ANKS1A: variants seen among roughly 807,000 people sequenced by gnomAD.
The protein encoded by ANKS1A is ankyrin repeat and sterile alpha motif domain containing 1A, also known as ankyrin repeat and SAM domain-containing protein 1A.
A neutral mutation model predicts 120.3 loss-of-function variants in ANKS1A; 55 were observed. The observed-to-expected ratio is 0.46, with a 90% CI of 0.37 to 0.57. ANKS1A has a LOEUF of 0.57. ANKS1A is among the 20% of genes least tolerant of loss of function. ANKS1A has a pLI of 0.00. For missense variants in ANKS1A, 1,123 were observed against 1,480.3 expected (o/e 0.76, Z 3.96); for synonymous variants, 590 against 604.7 (o/e 0.98, Z 0.36).
At chr6:34,945,566 C>T (rs1769748899) in intron 1 of ANKS1A, among the ~76,000 whole-genome samples, 1 of 152,134 alleles carries the variant, frequency 6.6e-6, no homozygotes, top group Non-Finnish European at 1.5e-5. Context: ...TCTGGGCTCT[C>T]TATTCTGTTC....
At chr6:35,088,509 TC>T in intron 23 of ANKS1A, 96 bp from the exon 24 acceptor site, 1 of 1,513,244 alleles carries the variant, frequency 6.6e-7, no homozygotes, top group Non-Finnish European at 9.2e-7. Context: ...CTGTGAGGGA[TC>T]GTCTGTCCTG....
intron 1 of ANKS1A, among the ~76,000 whole-genome samples, chr6:34,896,491 A>C (rs35499928): frequency 0.073 from 11,085 of 152,222 alleles, 611 homozygotes; most frequent in East Asian, 0.23. Flanking sequence ...TGTGGTTCCC[A>C]TGTTAAAAAA....
At chr6:34,981,337 A>G (rs1243898025) in intron 3 of ANKS1A, among the ~76,000 whole-genome samples, 1 of 152,238 alleles carries the variant, frequency 6.6e-6, no homozygotes, top group African/African-American at 2.4e-5. Context: ...AAACTGAAAT[A>G]ATAGCAGTGA....
intron 3 of ANKS1A, among the ~76,000 whole-genome samples, chr6:34,979,544 T>C (rs1413172923): frequency 6.6e-6 from 1 of 152,190 alleles, no homozygotes; most frequent in Non-Finnish European, 1.5e-5. Flanking sequence ...TTGTGAGAGC[T>C]GCTTTCATTC....
chr6:34,966,227 CA>C (rs1450858436), intron 1 of ANKS1A, among the ~76,000 whole-genome samples: 3 of 152,064 alleles, frequency 2.0e-5, no homozygotes, highest in Non-Finnish European at 4.4e-5. Context: ...TAGAATTTAC[CA>C]ATAAGGTCAT....
intron 14 of ANKS1A, 56 bp downstream of exon 14, chr6:35,078,712 A>T: frequency 6.6e-7 from 1 of 1,511,748 alleles, no homozygotes; most frequent in Non-Finnish European, 9.1e-7. Flanking sequence ...CCACCTCCCT[A>T]GCACCACCTG....
chr6:35,066,580 T>C (rs1776788007), intron 13 of ANKS1A, among the ~76,000 whole-genome samples: 1 of 152,016 alleles, frequency 6.6e-6, no homozygotes, highest in Admixed American at 6.5e-5. Context: ...TTCATGAAAC[T>C]GGGAAGAGTT....
intron 1 of ANKS1A, among the ~76,000 whole-genome samples, chr6:34,937,033 C>T (rs1261003340): frequency 6.6e-6 from 1 of 152,124 alleles, no homozygotes; most frequent in Non-Finnish European, 1.5e-5. Flanking sequence ...ATATACATTC[C>T]TATACATACA....
Position 34,970,042 on chromosome 6 carries a change from C to A in ANKS1A, c.311C>A (p.Ala104Glu). 1.2e-6 allele frequency: 2 copies of A among 1,614,056 alleles called. No individual in the cohort carries two copies. Among genetic ancestry groups the A allele is most frequent in the Non-Finnish European group, 1.7e-6 (2 of 1,179,970 alleles). ...GTCGAGGTTCTTCTGAGGAACGATG[C>A]GCTGACCAACGTGGCTGACTCAAAA... Reference protein sequence around the residue: ...DVVEVLLRNDALTNVADSKGC... With the variant: ...DVVEVLLRNDELTNVADSKGC... The change falls in exon 3 of 24, where the codon GCG (alanine) becomes GAG (glutamate). Residue 104 changes from alanine to glutamate, a missense_variant. Ala to Glu is a moderately radical substitution (Grantham distance 107). Transcript: ENST00000360359.
intron 11 of ANKS1A, among the ~76,000 whole-genome samples, chr6:35,034,786 T>C (rs1205622271): frequency 6.6e-6 from 1 of 152,208 alleles, no homozygotes; most frequent in African/African-American, 2.4e-5. Flanking sequence ...CAGTCAGATC[T>C]ACAAAAGTGA....
At chr6:35,087,879 C>CT (rs956333670) in intron 23 of ANKS1A, among the ~76,000 whole-genome samples, 15 of 152,358 alleles carry the variant, frequency 9.8e-5, no homozygotes, top group African/African-American at 3.4e-4. Context: ...GACAGCCCCT[C>CT]TATCTTCGCC....
Position 34,889,555 on chromosome 6 carries a change from C to T in ANKS1A, c.153C>T (p.Gly51=), listed in dbSNP as rs1448484601. The T allele has an allele frequency of 1.6e-6, 2 of 1,269,516 alleles. No homozygotes were observed. Among genetic ancestry groups the T allele is most frequent in the East Asian group, 3.2e-5 (1 of 31,160 alleles). The allele number at this position is 1,269,516 out of a possible 1,614,324, so 78.6% of individuals were successfully genotyped here. A position where few individuals can be genotyped will look rare whatever the true frequency, so the allele number is the denominator to read the frequency against. The part of the protein sequence containing the change: ...GGGGGGSGGG[G]GGLGSSSHPL... Reference sequence around the variant, plus strand: ...GCGGCGGCGGCAGCGGCGGCGGCGGCGGCGGCCTCGGCTCTTCCAGCCACC... The same window carrying T: ...GCGGCGGCGGCAGCGGCGGCGGCGGTGGCGGCCTCGGCTCTTCCAGCCACC... The change falls in exon 1 of 24, where the codon GGC becomes GGT. Residue 51 remains glycine (G), a synonymous_variant. Transcript: ENST00000360359. This position sits in a 1 kb window ranked among gnomAD's most constrained non-coding sequence, Gnocchi z 5.5.
chr6:35,027,703 G>A (rs1052585853), intron 11 of ANKS1A, among the ~76,000 whole-genome samples: 1 of 152,146 alleles, frequency 6.6e-6, no homozygotes, highest in African/African-American at 2.4e-5. Context: ...CCTCAAAGAT[G>A]TGCTCTCTGA....
At chr6:34,911,574 G>A (rs928616166) in intron 1 of ANKS1A, among the ~76,000 whole-genome samples, 18 of 152,284 alleles carry the variant, frequency 1.2e-4, no homozygotes, top group African/African-American at 4.3e-4. Flanking sequence ...AGGACTATGT[G>A]CATAGGATTG....
chr6:34,982,900 G>A lies in ANKS1A; in HGVS notation c.808+73G>A. 2 of 1,569,106 alleles carry A rather than the reference G, an allele frequency of 1.3e-6. No individual in the cohort carries two copies. Among genetic ancestry groups the A allele is most frequent in the South Asian group, 1.1e-5 (1 of 90,076 alleles). On this transcript the variant is annotated intron_variant, in intron 5 of 23. Transcript: ENST00000360359. The surrounding 1 kb of genome is among the most constrained non-coding windows in gnomAD (Gnocchi z 4.9). ...ATTGTTTCTCCCTAGTCCCCTAGGG[G>A]GATTTTTGCTGGCTGTGTTTGAACT...
At position 35,057,469 on chromosome 6, in the gene ANKS1A, C is replaced by T. The variant is rs192200438; in HGVS notation, c.2078-2678C>T. 5.7e-4 allele frequency among the ~76,000 whole-genome samples: 87 copies of T among 152,306 alleles called. No homozygotes were observed. The highest frequency in any genetic ancestry group is 1.8e-3 in the African/African-American group (76 of 41,570). ...TGAGAACCCTCTCTTTTCCAGGGCTCATCTACAGCCTATTGGGATACCAGT... is the reference window on the plus strand; with the variant it reads ...TGAGAACCCTCTCTTTTCCAGGGCTTATCTACAGCCTATTGGGATACCAGT... On this transcript the variant is annotated intron_variant, in intron 12 of 23. Transcript: ENST00000360359. This position sits in a 1 kb window ranked among gnomAD's most constrained non-coding sequence, Gnocchi z 4.1.
At chr6:35,087,900 A>G (rs1778080228) in intron 23 of ANKS1A, among the ~76,000 whole-genome samples, 1 of 152,164 alleles carries the variant, frequency 6.6e-6, no homozygotes, top group Non-Finnish European at 1.5e-5. Context: ...ATGGAGTCTC[A>G]AGGCCTGGCA....
At chr6:35,025,672 T>C (rs1394596847) in intron 11 of ANKS1A, among the ~76,000 whole-genome samples, 2 of 152,300 alleles carry the variant, frequency 1.3e-5, no homozygotes, top group Admixed American at 6.5e-5. Context: ...TTTTTCTTCC[T>C]CCCTACTTTT....
chr6:34,890,838 C>T (rs1395072239), intron 1 of ANKS1A, among the ~76,000 whole-genome samples: 1 of 152,180 alleles, frequency 6.6e-6, no homozygotes, highest in Non-Finnish European at 1.5e-5. Context: ...TTCCCCATTA[C>T]TTTATGTAAC....
Sources: allele counts gnomAD v4.1 joint callset (sites outside exome capture counted in the v4.1 genomes callset), GRCh38; gene constraint gnomAD v4.1.1; non-coding constraint Gnocchi (gnomAD v3.1); transcripts MANE v1.5; gene names NCBI Gene and HGNC (gene_info 2026-07-23, HGNC 2026-07-21).